Variants in TTLL1 observed in about 807,000 individuals in gnomAD.
TTLL1 encodes the protein TTL family tubulin polyglutamylase complex subunit L1.
In TTLL1, 33 loss-of-function variants were observed where a neutral mutation model predicts 47.8. The ratio of observed to expected loss-of-function variants is 0.69; its 90% confidence interval spans 0.52 to 0.92. TTLL1 has a LOEUF of 0.92. TTLL1 is among the 40% of genes least tolerant of loss of function. TTLL1 has a pLI of 0.00. For synonymous variants in TTLL1, 225 were observed against 214.1 expected (o/e 1.05, Z -0.45); for missense variants, 488 against 547.5 (o/e 0.89, Z 1.08).
At chr22:43,053,055 T>C (rs1209283360) in intron 8 of TTLL1, among the ~76,000 whole-genome samples, 1 of 151,982 alleles carries the variant, frequency 6.6e-6, no homozygotes, top group Non-Finnish European at 1.5e-5. Flanking sequence ...AGCGAAACTC[T>C]GTCTCAAAAA....
In TTLL1 at chr22:43,063,805, A is replaced by G; in HGVS notation, c.747+8T>C. 1 of 1,612,646 alleles carries G rather than the reference A, an allele frequency of 6.2e-7. No homozygotes were observed. The highest frequency in any genetic ancestry group is 8.5e-7 in the Non-Finnish European group (1 of 1,178,664). On this transcript the variant is annotated splice_region_variant and intron_variant, in intron 7 of 10. Coordinates refer to ENST00000266254, the MANE Select transcript of TTLL1 (RefSeq NM_012263.5). Reference sequence around the variant, plus strand: ...TTTCTGTAAGCACAAATGAAAGGACACACTCACCCCGTGTTTCTGGATGGC... The same window carrying G: ...TTTCTGTAAGCACAAATGAAAGGACGCACTCACCCCGTGTTTCTGGATGGC...
In TTLL1 at chr22:43,046,425, C is replaced by T. The variant is rs1173248789; in HGVS notation, c.1127G>A (p.Gly376Asp). The change falls in exon 10 of 11, where the codon GGC (glycine) becomes GAC (aspartate). Residue 376 changes from glycine to aspartate, a missense_variant. Transcript: ENST00000266254. ...WNKSPPKEVL[G>D]NYEILYDEEL... ...ACACACTTACAGAATCTCGTAATTG[C>T]CGAGGACTTCCTTAGGTGGCGACTT... 1 of 1,613,862 alleles carries T rather than the reference C, an allele frequency of 6.2e-7. No homozygotes were observed. The highest frequency in any genetic ancestry group is 1.3e-5 in the African/African-American group (1 of 74,866).
chr22:43,046,077 C>G (rs925891701), intron 10 of TTLL1, among the ~76,000 whole-genome samples: 13 of 152,020 alleles, frequency 8.6e-5, no homozygotes, highest in Non-Finnish European at 1.5e-5. Context: ...AAAAATTAGC[C>G]AGGAGTGGTA....
chr22:43,063,447 C>T (rs1267866122), intron 7 of TTLL1, among the ~76,000 whole-genome samples: 1 of 150,278 alleles, frequency 6.7e-6, no homozygotes, highest in Admixed American at 6.7e-5. Flanking sequence ...AAGAAAGAAA[C>T]CCACAAAGTC....
chr22:43,086,885 T>C (rs1929260658), intron 1 of TTLL1, among the ~76,000 whole-genome samples: 1 of 152,184 alleles, frequency 6.6e-6, no homozygotes, highest in Non-Finnish European at 1.5e-5. Context: ...CATGTCACCC[T>C]GCTCACTACC....
chr22:43,086,289 T>C (rs563291586), intron 1 of TTLL1, among the ~76,000 whole-genome samples: 1 of 152,282 alleles, frequency 6.6e-6, no homozygotes, highest in African/African-American at 2.4e-5. Flanking sequence ...CCTTTTATGT[T>C]GAATGCAGCT....
At chr22:43,081,143 C>A (rs1040093396) in intron 1 of TTLL1, among the ~76,000 whole-genome samples, 2 of 151,490 alleles carry the variant, frequency 1.3e-5, no homozygotes, top group African/African-American at 4.8e-5. Flanking sequence ...CTCAAACTCC[C>A]GACCTCAGGT....
intron 8 of TTLL1, among the ~76,000 whole-genome samples, chr22:43,052,541 A>C (rs1293920400): frequency 1.3e-5 from 2 of 151,610 alleles, no homozygotes; most frequent in Non-Finnish European, 2.9e-5. Context: ...GGAGTTTGAG[A>C]CCAGCCTGAG....
chr22:43,046,403 C>T lies in TTLL1; in HGVS notation c.1142+7G>A. The T allele has an allele frequency of 6.2e-7, 1 of 1,613,996 alleles. No individual in the cohort carries two copies. Among genetic ancestry groups the T allele is most frequent in the Non-Finnish European group, 8.5e-7 (1 of 1,179,934 alleles). On this transcript the variant is annotated splice_region_variant and intron_variant, in intron 10 of 10. Coordinates refer to ENST00000266254, the MANE Select transcript of TTLL1 (RefSeq NM_012263.5). The stretch of plus-strand genomic sequence containing the variant: ...AAGGACAAGCGCACAGTCACACACA[C>T]ACTTACAGAATCTCGTAATTGCCGA...
rs913523052 is a variant in TTLL1 at position 43,083,737 on chromosome 22, A to C, written c.-89-3751T>G. 5.9e-5 allele frequency among the ~76,000 whole-genome samples: 9 copies of C among 152,284 alleles called. No individual in the cohort carries two copies. In the Middle Eastern group the frequency reaches 0.014, roughly 230 times the overall value. ...GAGCAAACTCCATCTCAGAAACAAC[A>C]ACCACAACCACAACAATAAAAACCC... On this transcript the variant is annotated intron_variant, in intron 1 of 10. Coordinates refer to ENST00000266254, the MANE Select transcript of TTLL1 (RefSeq NM_012263.5).
intron 3 of TTLL1, among the ~76,000 whole-genome samples, chr22:43,074,342 G>A (rs944354065): frequency 2.0e-5 from 3 of 149,356 alleles, no homozygotes; most frequent in Admixed American, 1.3e-4. Context: ...CAGGAGAATC[G>A]CTTGAACCCA....
intron 10 of TTLL1, among the ~76,000 whole-genome samples, chr22:43,044,298 C>T (rs533535602): frequency 6.6e-6 from 1 of 152,128 alleles, no homozygotes; most frequent in Non-Finnish European, 1.5e-5. Flanking sequence ...CCTGTAGAGG[C>T]CCCGAGGTTG....
Position 43,039,975 on chromosome 22 carries a change from CTG to C in TTLL1, c.1143-72_1143-71del, listed in dbSNP as rs1925536287. On this transcript the variant is annotated intron_variant, in intron 10 of 10. Transcript: ENST00000266254. ...GGCAACAGGCAGGGCCACCAGGCTGCTGTGTGGCAAATATGACATCACCCAGA... is the reference window on the plus strand; with the variant it reads ...GGCAACAGGCAGGGCCACCAGGCTGCTGTGGCAAATATGACATCACCCAGA... The C allele has an allele frequency of 2.4e-5, 37 of 1,548,982 alleles. No homozygotes were observed. The South Asian group carries it at 4.1e-4, about 17-fold the overall frequency.
At chr22:43,051,016 C>G (rs1926579181) in intron 9 of TTLL1, among the ~76,000 whole-genome samples, 1 of 152,244 alleles carries the variant, frequency 6.6e-6, no homozygotes, top group South Asian at 2.1e-4. Context: ...TCCCTACAAC[C>G]TGCTATTGTG....
intron 1 of TTLL1, among the ~76,000 whole-genome samples, chr22:43,087,202 G>A (rs1314067672): frequency 6.6e-6 from 1 of 152,174 alleles, no homozygotes; most frequent in Non-Finnish European, 1.5e-5. Flanking sequence ...TGGGTTGTAA[G>A]CAATCATTTA....
At chr22:43,080,934 T>TTTTTTTTTTG (rs1928843070) in intron 1 of TTLL1, among the ~76,000 whole-genome samples, 1 of 129,502 alleles carries the variant, frequency 7.7e-6, no homozygotes, top group African/African-American at 3.3e-5. Flanking sequence ...TTTTTTTTTT[T>TTTTTTTTTTG]TAGACAAAGT....
At chr22:43,061,114 C>T (rs909972692) in intron 7 of TTLL1, among the ~76,000 whole-genome samples, 2 of 152,102 alleles carry the variant, frequency 1.3e-5, no homozygotes, top group Non-Finnish European at 2.9e-5. Flanking sequence ...CGCTTGAACC[C>T]GGAAGGCAGA....
intron 5 of TTLL1, among the ~76,000 whole-genome samples, chr22:43,065,752 C>T (rs1377827984): frequency 6.6e-6 from 1 of 151,920 alleles, no homozygotes; most frequent in African/African-American, 2.4e-5. Flanking sequence ...AATCAGTTTG[C>T]TAACTTTAAC....
Position 43,056,636 on chromosome 22 carries a change from T to C in TTLL1, c.891+2748A>G, listed in dbSNP as rs186992536. On this transcript the variant is annotated intron_variant, in intron 8 of 10. Coordinates refer to ENST00000266254, the MANE Select transcript of TTLL1 (RefSeq NM_012263.5). ...CTGTCTCTACTTAAAAATACAAAAA[T>C]TAGCCAGGTATGGTGACGCGCACCT... Among the ~76,000 whole-genome samples, 3 of 151,140 alleles carry C rather than the reference T, an allele frequency of 2.0e-5. No individual in the cohort carries two copies. In the East Asian group the frequency reaches 5.9e-4, roughly 30 times the overall value.
Sources: gnomAD v4.1 joint callset for allele counts (sites outside exome capture counted in the v4.1 genomes callset) on GRCh38, gnomAD v4.1.1 for gene constraint, MANE v1.5 for transcripts, NCBI Gene and HGNC (gene_info 2026-07-23, HGNC 2026-07-21) for gene names.